UBR1: variants seen among roughly 807,000 people sequenced by gnomAD.
The protein encoded by UBR1 is E3 ubiquitin-protein ligase UBR1.
In UBR1, 102 loss-of-function variants were observed where a neutral mutation model predicts 242.1. That is an observed-to-expected ratio of 0.42 (90% CI 0.36 to 0.50). The LOEUF is 0.50. Ranked by LOEUF, UBR1 falls within the 20% of genes least tolerant of loss-of-function variation. UBR1 has a pLI of 0.01. For synonymous variants in UBR1, 675 were observed against 684.8 expected (o/e 0.99, Z 0.22); for missense variants, 1,772 against 2,101.8 (o/e 0.84, Z 3.07).
intron 1 of UBR1, among the ~76,000 whole-genome samples, chr15:43,099,516 T>C (rs901276193): frequency 1.1e-4 from 16 of 152,288 alleles, no homozygotes; most frequent in African/African-American, 3.6e-4. Flanking sequence ...CACACAAGTA[T>C]ATACATTTGT....
At chr15:42,983,601 G>A (rs534211045) in intron 37 of UBR1, among the ~76,000 whole-genome samples, 8 of 151,152 alleles carry the variant, frequency 5.3e-5, no homozygotes, top group Admixed American at 1.3e-4. Context: ...TGAGGTGGAA[G>A]TTGCAGTGAG....
At chr15:42,952,568 CTCTTAAAACACAAGGAAACAT>C in intron 44 of UBR1, 120 bp from the exon 45 acceptor site, 1 of 1,114,986 alleles carries the variant, frequency 9.0e-7, no homozygotes, top group South Asian at 1.3e-5. Flanking sequence ...AGCAAGGAAG[CTCTTAAAACACAAGGAAACAT>C]TTAATTAGCC....
chr15:42,977,201 T>G (rs1465533985), intron 38 of UBR1, among the ~76,000 whole-genome samples: 1 of 152,140 alleles, frequency 6.6e-6, no homozygotes, highest in Non-Finnish European at 1.5e-5. Flanking sequence ...TCCAACCAAA[T>G]GAGAATCTCT....
intron 1 of UBR1, among the ~76,000 whole-genome samples, chr15:43,103,095 G>A (rs568569075): frequency 6.6e-6 from 1 of 152,204 alleles, no homozygotes; most frequent in South Asian, 2.1e-4. Flanking sequence ...TTGAACCTGG[G>A]AGGTGGAAGT....
At chr15:43,075,762 T>C (rs1222262687) in intron 3 of UBR1, among the ~76,000 whole-genome samples, 3 of 151,590 alleles carry the variant, frequency 2.0e-5, no homozygotes, top group Non-Finnish European at 4.4e-5. Context: ...ACTACAGGCA[T>C]GCACCACCAC....
chr15:42,995,585 G>A (rs576883638), intron 33 of UBR1, among the ~76,000 whole-genome samples: 6 of 151,968 alleles, frequency 3.9e-5, no homozygotes, highest in African/African-American at 7.2e-5. Context: ...GGAGAATCGC[G>A]TGAACCCGGG....
chr15:43,003,798 C>T (rs1049820869), intron 31 of UBR1, 39 bp downstream of exon 31: 2 of 1,597,104 alleles, frequency 1.3e-6, no homozygotes, highest in African/African-American at 2.7e-5. Context: ...CTTCAATGTT[C>T]CTAGTCTCTT....
At chr15:42,990,882 T>C (rs1005468411) in intron 33 of UBR1, among the ~76,000 whole-genome samples, 4 of 152,164 alleles carry the variant, frequency 2.6e-5, no homozygotes, top group African/African-American at 4.8e-5. Flanking sequence ...TCTCTGTAGC[T>C]CCATTTCCTT....
intron 22 of UBR1, among the ~76,000 whole-genome samples, chr15:43,027,217 T>G (rs1222973284): frequency 6.6e-6 from 1 of 152,110 alleles, no homozygotes; most frequent in Non-Finnish European, 1.5e-5. Flanking sequence ...AATATTTCAA[T>G]GAACATTACT....
At chr15:42,966,883 G>C (rs62020701) in intron 40 of UBR1, among the ~76,000 whole-genome samples, 10,101 of 151,984 alleles carry the variant, frequency 0.066, 423 homozygotes, top group Middle Eastern at 0.14. Context: ...AAAGGAACTT[G>C]ACTCTTAAAT....
chr15:42,954,508 T>G (rs573458374), intron 44 of UBR1, among the ~76,000 whole-genome samples: 1 of 152,278 alleles, frequency 6.6e-6, no homozygotes, highest in African/African-American at 2.4e-5. Flanking sequence ...GAGAATTTCC[T>G]GAGTCATTCC....
chr15:43,097,965 A>T (rs1289558268), intron 1 of UBR1, among the ~76,000 whole-genome samples: 1 of 152,248 alleles, frequency 6.6e-6, no homozygotes, highest in Non-Finnish European at 1.5e-5. Flanking sequence ...GCTTGGCACA[A>T]GAGGCATAAC....
At chr15:43,102,641 A>AT (rs2034251359) in intron 1 of UBR1, among the ~76,000 whole-genome samples, 1 of 152,054 alleles carries the variant, frequency 6.6e-6, no homozygotes, top group Non-Finnish European at 1.5e-5. Flanking sequence ...TTGATTCCCA[A>AT]TTTTTCTCAG....
At chr15:42,973,977 C>T (rs2032248013) in intron 39 of UBR1, among the ~76,000 whole-genome samples, 1 of 151,312 alleles carries the variant, frequency 6.6e-6, no homozygotes, top group African/African-American at 2.4e-5. Flanking sequence ...CAAGCTCCAC[C>T]TCCCGGGTTC....
At chr15:42,963,903 A>T in intron 42 of UBR1, 32 bp downstream of exon 42, 1 of 1,500,812 alleles carries the variant, frequency 6.7e-7, no homozygotes, top group Non-Finnish European at 9.3e-7. Flanking sequence ...ATTGTATAAT[A>T]ACCCAACAAC....
At chr15:43,098,127 T>C (rs2034182260) in intron 1 of UBR1, among the ~76,000 whole-genome samples, 1 of 152,208 alleles carries the variant, frequency 6.6e-6, no homozygotes, top group African/African-American at 2.4e-5. Context: ...TATTGTCCCA[T>C]CTTAGGGTAT....
At chr15:43,013,410 A>C (rs1349343442) in intron 29 of UBR1, among the ~76,000 whole-genome samples, 3 of 152,154 alleles carry the variant, frequency 2.0e-5, no homozygotes, top group Non-Finnish European at 4.4e-5. Flanking sequence ...AACTCAGAAA[A>C]CCAGATTTAC....
chr15:42,947,755 C>A (rs1242885563), intron 46 of UBR1, among the ~76,000 whole-genome samples: 2 of 152,148 alleles, frequency 1.3e-5, no homozygotes, highest in African/African-American at 4.8e-5. Flanking sequence ...TCAAGGAGAA[C>A]TACAAACCAC....
chr15:43,018,851 A>G (rs776419143), intron 27 of UBR1, among the ~76,000 whole-genome samples: 8 of 152,246 alleles, frequency 5.3e-5, no homozygotes, highest in Non-Finnish European at 8.8e-5. Flanking sequence ...AAAATTTAGT[A>G]TTCTAATTGA....
Sources: allele counts gnomAD v4.1 joint callset (sites outside exome capture counted in the v4.1 genomes callset), GRCh38; gene constraint gnomAD v4.1.1; transcripts MANE v1.5; gene names NCBI Gene and HGNC (gene_info 2026-07-23, HGNC 2026-07-21).